Variants in RAVER2 observed in about 807,000 individuals in gnomAD.
RAVER2 encodes ribonucleoprotein PTB-binding 2.
A neutral mutation model predicts 78.1 loss-of-function variants in RAVER2; 46 were observed. The observed-to-expected ratio is 0.59, with a 90% confidence interval of 0.46 to 0.75. The LOEUF is 0.75. Ranked by LOEUF, RAVER2 falls within the 30% of genes least tolerant of loss-of-function variation. The probability of loss-of-function intolerance (pLI) is 0.00; values close to 1 mark genes in which losing one functional copy is unlikely to be tolerated. For synonymous variants in RAVER2, 311 were observed against 313.3 expected (o/e 0.99, Z 0.08); for missense variants, 793 against 837.5 (o/e 0.95, Z 0.66).
At chr1:64,819,018 T>G (rs975134039) in intron 11 of RAVER2, among the ~76,000 whole-genome samples, 1 of 152,154 alleles carries the variant, frequency 6.6e-6, no homozygotes, top group African/African-American at 2.4e-5. Flanking sequence ...AGTTAACTCC[T>G]TCTAGAACAA....
At chr1:64,799,334 C>T (rs533640470) in intron 5 of RAVER2, among the ~76,000 whole-genome samples, 1 of 152,290 alleles carries the variant, frequency 6.6e-6, no homozygotes, top group East Asian at 1.9e-4. Flanking sequence ...TGTTGGTGGA[C>T]ACTTAGTCTA....
chr1:64,817,873 C>T (rs1176952358), intron 11 of RAVER2, among the ~76,000 whole-genome samples: 6 of 151,938 alleles, frequency 3.9e-5, no homozygotes, highest in African/African-American at 7.3e-5. Flanking sequence ...GCACGTTGTG[C>T]ACATGTACCC....
intron 2 of RAVER2, among the ~76,000 whole-genome samples, chr1:64,774,805 T>C (rs1414717848): frequency 1.3e-5 from 2 of 152,244 alleles, no homozygotes; most frequent in Non-Finnish European, 2.9e-5. Flanking sequence ...TTCCTATCCA[T>C]GAGCATGGAA....
intron 1 of RAVER2, among the ~76,000 whole-genome samples, chr1:64,753,278 C>G (rs1651749995): frequency 6.6e-6 from 1 of 152,118 alleles, no homozygotes; most frequent in Admixed American, 6.5e-5. Flanking sequence ...TGGTCCCAAA[C>G]TCCTAGGCTC....
At chr1:64,756,827 C>T (rs1322828976) in intron 1 of RAVER2, among the ~76,000 whole-genome samples, 1 of 152,188 alleles carries the variant, frequency 6.6e-6, no homozygotes, top group African/African-American at 2.4e-5. Context: ...TTGTCTATGA[C>T]CCTGATGGTT....
intron 11 of RAVER2, chr1:64,815,530 A>T (rs1484566106): frequency 6.6e-6 from 1 of 152,054 alleles, no homozygotes; most frequent in Non-Finnish European, 1.5e-5. Context: ...GCCCTGTGTG[A>T]TTATGGAATC....
intron 5 of RAVER2, among the ~76,000 whole-genome samples, chr1:64,790,663 G>A (rs149811799): frequency 1.4e-3 from 207 of 152,284 alleles, no homozygotes; most frequent in Middle Eastern, 3.4e-3. Context: ...TGAACATAGC[G>A]TATATAAATT....
intron 1 of RAVER2, among the ~76,000 whole-genome samples, chr1:64,754,662 A>C (rs1232032269): frequency 1.3e-5 from 2 of 152,148 alleles, no homozygotes; most frequent in Non-Finnish European, 2.9e-5. Flanking sequence ...AAGCACACAA[A>C]ATTTGCATAT....
At chr1:64,748,289 G>A (rs76361871) in intron 1 of RAVER2, among the ~76,000 whole-genome samples, 2,095 of 152,276 alleles carry the variant, frequency 0.014, 17 homozygotes, top group Middle Eastern at 0.051. Context: ...CTCAGCTCTG[G>A]TTCAAGTCCT....
At chr1:64,782,838 C>T (rs1003239656) in intron 4 of RAVER2, among the ~76,000 whole-genome samples, 3 of 152,146 alleles carry the variant, frequency 2.0e-5, no homozygotes, top group Non-Finnish European at 2.9e-5. Context: ...CCCATCAACT[C>T]GTCATTACAC....
chr1:64,813,854 C>G (rs867491400), intron 10 of RAVER2, among the ~76,000 whole-genome samples: 14 of 151,448 alleles, frequency 9.2e-5, no homozygotes, highest in Non-Finnish European at 1.5e-4. Flanking sequence ...CACACACACA[C>G]ACACACACAC....
chr1:64,772,242 C>T (rs1274063940), intron 2 of RAVER2, among the ~76,000 whole-genome samples: 1 of 151,960 alleles, frequency 6.6e-6, no homozygotes, highest in Non-Finnish European at 1.5e-5. Context: ...AGCTATAGAA[C>T]AGAAAATGTG....
At chr1:64,757,148 G>A (rs138192059) in intron 1 of RAVER2, among the ~76,000 whole-genome samples, 10 of 152,284 alleles carry the variant, frequency 6.6e-5, no homozygotes, top group Admixed American at 3.3e-4. Context: ...TCCTTTTGAC[G>A]TGTCCCCAGC....
intron 11 of RAVER2, among the ~76,000 whole-genome samples, chr1:64,823,832 C>T (rs1227934884): frequency 3.1e-5 from 4 of 130,694 alleles, no homozygotes; most frequent in Middle Eastern, 4.5e-3. Context: ...TTTGAGACAG[C>T]GTCTTGCTCT....
intron 2 of RAVER2, 81 bp from the exon 3 acceptor site, chr1:64,777,542 C>A: frequency 8.5e-7 from 1 of 1,173,498 alleles, no homozygotes; most frequent in Non-Finnish European, 1.2e-6. Flanking sequence ...TTATGTGTAC[C>A]AAGTCACAGA....
intron 5 of RAVER2, among the ~76,000 whole-genome samples, chr1:64,799,455 G>GT (rs1051554982): frequency 6.6e-6 from 1 of 151,896 alleles, no homozygotes; most frequent in Non-Finnish European, 1.5e-5. Context: ...TTATTTGTTT[G>GT]TTTTTTTGAG....
intron 9 of RAVER2, among the ~76,000 whole-genome samples, chr1:64,808,140 T>C (rs1405227439): frequency 6.6e-6 from 1 of 152,204 alleles, no homozygotes; most frequent in Non-Finnish European, 1.5e-5. Flanking sequence ...CTGGTCTCTC[T>C]TTTAATTCTG....
chr1:64,754,210 G>T (rs951666046), intron 1 of RAVER2, among the ~76,000 whole-genome samples: 1 of 152,030 alleles, frequency 6.6e-6, no homozygotes, highest in African/African-American at 2.4e-5. Context: ...CAAACAATTT[G>T]CCCAAGATCA....
chr1:64,748,168 T>C (rs192488003), intron 1 of RAVER2, among the ~76,000 whole-genome samples: 7 of 152,336 alleles, frequency 4.6e-5, no homozygotes, highest in Admixed American at 2.6e-4. Context: ...AACACCTTTA[T>C]ATTAAGTTCT....
Sources: allele counts gnomAD v4.1 joint callset (sites outside exome capture counted in the v4.1 genomes callset), GRCh38; gene constraint gnomAD v4.1.1; transcripts MANE v1.5; gene names NCBI Gene and HGNC (gene_info 2026-07-23, HGNC 2026-07-21).